ADCY4: variants seen among roughly 807,000 people sequenced by gnomAD.
The protein encoded by ADCY4 is adenylate cyclase type 4.
In ADCY4, 111 loss-of-function variants were observed where a neutral mutation model predicts 125.5. The observed-to-expected ratio is 0.88, with a 90% CI of 0.76 to 1.04. ADCY4 has a LOEUF of 1.04. ADCY4 is among the 50% of genes least tolerant of loss of function. The pLI is 0.00. For missense variants in ADCY4, 1,256 were observed against 1,382.9 expected (o/e 0.91, Z 1.46); for synonymous variants, 576 against 586.9 (o/e 0.98, Z 0.27).
At chr14:24,330,652 G>A (rs1414234295) in intron 6 of ADCY4, 1 of 342,394 alleles carries the variant, frequency 2.9e-6, no homozygotes, top group Non-Finnish European at 5.4e-6. Context: ...CAGGTTGCTG[G>A]GCTGAGGTTG....
At position 24,321,812 on chromosome 14, in the gene ADCY4, G is replaced by A. The variant is rs186407194; in HGVS notation, c.2586+254C>T. 2.8e-4 allele frequency: 330 copies of A among 1,199,450 alleles called. No homozygotes were observed. In the African/African-American group the frequency reaches 4.4e-3, roughly 16 times the overall value. 74.3% of individuals were successfully genotyped at this position (1,199,450 alleles called of 1,614,324 possible). On this transcript the variant is annotated intron_variant, in intron 20 of 24. Coordinates refer to ENST00000418030, the MANE Select transcript of ADCY4 (RefSeq NM_001198568.2). ...CCTGCTCCAGACAGCTCCCATCAAC[G>A]CCTAGGCTTCTGGAATGTATGGAAT...
In ADCY4 at chr14:24,318,711, G is replaced by A. The variant is rs1429384956; in HGVS notation, c.3024C>T (p.Gly1008=). The change falls in exon 24 of 25, where the codon GGC becomes GGT. Residue 1008 remains glycine, a synonymous_variant. Coordinates refer to ENST00000418030, the MANE Select transcript of ADCY4 (RefSeq NM_001198568.2). The part of the protein sequence containing the change: ...GAQKPQYDIW[G]NTVNVASRME... ...TGCGGCTGGCCACGTTCACTGTGTT[G>A]CCCCAAATGTCATATTGCGGCTTCT... The A allele has an allele frequency of 6.2e-7, 1 of 1,614,168 alleles. No individual in the cohort carries two copies. Among genetic ancestry groups the A allele is most frequent in the Admixed American group, 1.7e-5 (1 of 60,028 alleles).
intron 1 of ADCY4, among the ~76,000 whole-genome samples, chr14:24,333,749 G>C (rs1485496515): frequency 6.6e-6 from 1 of 152,198 alleles, no homozygotes; most frequent in African/African-American, 2.4e-5. Flanking sequence ...CGGGGACCGC[G>C]GCCGGCAGCT....
In ADCY4 at chr14:24,324,828, C is replaced by T. The variant is rs1022460210; in HGVS notation, c.1824-437G>A. 4.6e-5 allele frequency among the ~76,000 whole-genome samples: 7 copies of T among 152,022 alleles called. No homozygotes were observed. In the East Asian group the frequency reaches 9.6e-4, roughly 21 times the overall value. ...GAGCGATTCTCCTGCCTCAGCCTCCCGAGTAGCTGGGATTACAGGCGCCTG... is the reference window on the plus strand; with the variant it reads ...GAGCGATTCTCCTGCCTCAGCCTCCTGAGTAGCTGGGATTACAGGCGCCTG... On this transcript the variant is annotated intron_variant, in intron 14 of 24. Coordinates refer to ENST00000418030, the MANE Select transcript of ADCY4 (RefSeq NM_001198568.2).
chr14:24,331,919 G>A lies in ADCY4; in HGVS notation c.538C>T (p.Leu180=). 1 of 1,569,196 alleles carries A rather than the reference G, an allele frequency of 6.4e-7. No homozygotes were observed. The highest frequency in any genetic ancestry group is 1.1e-5 in the South Asian group (1 of 88,342). Reference sequence around the variant, plus strand: ...CCTGCCACGTTCCCGCACAGGAACAGCACTGCGTTTGCTGCCAACTGTGGG... The same window carrying A: ...CCTGCCACGTTCCCGCACAGGAACAACACTGCGTTTGCTGCCAACTGTGGG... ...LLPQLAANAV[L]FLCGNVAGVY... is the part of the protein sequence containing the mutation. The change falls in exon 4 of 25, where the codon CTG becomes TTG. Residue 180 remains leucine, a synonymous_variant. Coordinates refer to ENST00000418030, the MANE Select transcript of ADCY4 (RefSeq NM_001198568.2).
At chr14:24,331,646 G>C (rs1218887826) in intron 4 of ADCY4, 142 bp downstream of exon 4, 1 of 1,247,360 alleles carries the variant, frequency 8.0e-7, no homozygotes, top group South Asian at 1.6e-5. Flanking sequence ...TTCTAAGATG[G>C]GCAATACCCA....
chr14:24,330,602 T>G, intron 6 of ADCY4: 1 of 357,318 alleles, frequency 2.8e-6, no homozygotes. Flanking sequence ...TTGGGGGGAA[T>G]CCAAGAATTG....
chr14:24,331,467 G>A, intron 4 of ADCY4, 111 bp from the exon 5 acceptor site: 1 of 1,443,620 alleles, frequency 6.9e-7, no homozygotes, highest in East Asian at 2.4e-5. Context: ...TCCCCAGGGT[G>A]CTCCCCCAGG....
In ADCY4 at chr14:24,328,224, A is replaced by G. The variant is rs891533205; in HGVS notation, c.1524+837T>C. Among the ~76,000 whole-genome samples, 6 of 51,100 alleles carry G rather than the reference A, an allele frequency of 1.2e-4. No homozygotes were observed. The East Asian group carries it at 3.5e-3, about 30-fold the overall frequency. 33.5% of individuals were successfully genotyped at this position (51,100 alleles called of 152,430 possible). ...CACCAGCTACTTAGCAGACCGGGAAAGCGGGGTGGGGGGGGGGGTCTCCCT... is the reference window on the plus strand; with the variant it reads ...CACCAGCTACTTAGCAGACCGGGAAGGCGGGGTGGGGGGGGGGGTCTCCCT... On this transcript the variant is annotated intron_variant, in intron 10 of 24. Coordinates refer to ENST00000418030, the MANE Select transcript of ADCY4 (RefSeq NM_001198568.2).
intron 1 of ADCY4, among the ~76,000 whole-genome samples, chr14:24,333,450 G>A (rs537031380): frequency 5.3e-4 from 81 of 151,594 alleles, no homozygotes; most frequent in African/African-American, 1.8e-3. Flanking sequence ...GGCTGGTCTC[G>A]AGCTCCTGGG....
chr14:24,326,961 A>G (rs2041958099), intron 10 of ADCY4, among the ~76,000 whole-genome samples: 1 of 134,086 alleles, frequency 7.5e-6, no homozygotes, highest in Admixed American at 8.1e-5. Flanking sequence ...CATTGGTGCA[A>G]TCTCAGCTCA....
intron 9 of ADCY4, 60 bp from the exon 10 acceptor site, chr14:24,329,294 C>G: frequency 1.3e-6 from 2 of 1,591,214 alleles, no homozygotes; most frequent in Non-Finnish European, 1.7e-6. Flanking sequence ...TCCCTCCACC[C>G]CCCACTAGGA....
chr14:24,319,998 A>T lies in ADCY4; in HGVS notation c.2587-110T>A. 1 of 1,362,148 alleles carries T rather than the reference A, an allele frequency of 7.3e-7. No individual in the cohort carries two copies. Among genetic ancestry groups the T allele is most frequent in the Non-Finnish European group, 9.9e-7 (1 of 1,009,352 alleles). The allele number at this position is 1,362,148 out of a possible 1,614,324, so 84.4% of individuals were successfully genotyped here. A position where few individuals can be genotyped will look rare whatever the true frequency, so the allele number is the denominator to read the frequency against. ...TCCACACTCCTGGTCTCCCTGTTTA[A>T]GAAGAATTGGGAAGGAGGGAGAGGA... On this transcript the variant is annotated intron_variant, in intron 20 of 24. Transcript: ENST00000418030. The surrounding 1 kb of genome is among the most constrained non-coding windows in gnomAD (Gnocchi z 4.5).
Position 24,331,881 on chromosome 14 carries a change from C to T in ADCY4, c.576G>A (p.Lys192=). 1 of 1,599,040 alleles carries T rather than the reference C, an allele frequency of 6.3e-7. No individual in the cohort carries two copies. ...CCCGCAGGGCGCGCTCCATCAGCGC[C>T]TTGTGGTACACTCCTGCCACGTTCC... The part of the protein sequence containing the change: ...LCGNVAGVYH[K]ALMERALRAT... Residue 192 remains lysine (K), a synonymous_variant, in exon 4 of 25, where the codon AAG becomes AAA. Transcript: ENST00000418030.
intron 20 of ADCY4, chr14:24,321,742 C>T: frequency 2.0e-6 from 2 of 1,010,840 alleles, no homozygotes; most frequent in Non-Finnish European, 2.4e-6. Context: ...CAGTTCCCAA[C>T]AGGTCATGGA....
In ADCY4 at chr14:24,329,246, A is replaced by AG; in HGVS notation, c.1351-13_1351-12insC. ...TCCTCCTCCTCTGCCTGGGGCACAT[A>AG]AGGGCTGACAGTAAAGACCACAGAC... On this transcript the variant is annotated splice_polypyrimidine_tract_variant and intron_variant, in intron 9 of 24. Transcript: ENST00000418030. 6.2e-7 allele frequency: 1 copy of AG among 1,612,772 alleles called. No homozygotes were observed. Among genetic ancestry groups the AG allele is most frequent in the Non-Finnish European group, 8.5e-7 (1 of 1,179,228 alleles).
chr14:24,328,231 TGG>T lies in ADCY4; in HGVS notation c.1524+828_1524+829del, dbSNP rs547461601. ...TACTTAGCAGACCGGGAAAGCGGGG[TGG>T]GGGGGGGGGTCTCCCTTTCCCTGGG... On this transcript the variant is annotated intron_variant, in intron 10 of 24. Transcript: ENST00000418030. 1.8e-3 allele frequency among the ~76,000 whole-genome samples: 119 copies of T among 67,280 alleles called. 3 individuals are homozygous for T. The highest frequency in any genetic ancestry group is 4.3e-3 in the African/African-American group (94 of 21,998). The allele number at this position is 67,280 out of a possible 152,430, so 44.1% of individuals were successfully genotyped here.
At chr14:24,321,257 A>AC (rs56133120) in intron 20 of ADCY4, among the ~76,000 whole-genome samples, 21 of 150,730 alleles carry the variant, frequency 1.4e-4, no homozygotes, top group Non-Finnish European at 2.8e-4. Flanking sequence ...CTAAAAAAAA[A>AC]AAATATAAAA....
chr14:24,318,449 T>A lies in ADCY4; in HGVS notation c.3201A>T (p.Thr1067=), dbSNP rs889962427. The A allele has an allele frequency of 2.5e-5, 41 of 1,614,152 alleles. No individual in the cohort carries two copies. The highest frequency in any genetic ancestry group is 2.8e-5 in the Non-Finnish European group (33 of 1,179,988). Residue 1067 remains threonine, a synonymous_variant, in exon 25 of 25, where the codon ACA becomes ACT. Coordinates refer to ENST00000418030, the MANE Select transcript of ADCY4 (RefSeq NM_001198568.2). ...GGGTAGCTGAAGGAGGTCCAGTTCG[T>A]GTCAAGTCTGTGTTCAGGAAGTAGG... ...LCTYFLNTDL[T]RTGPPSATLG
Sources: gnomAD v4.1 joint callset for allele counts (sites outside exome capture counted in the v4.1 genomes callset) on GRCh38, gnomAD v4.1.1 for gene constraint, Gnocchi (gnomAD v3.1) non-coding constraint, MANE v1.5 for transcripts, NCBI Gene and HGNC (gene_info 2026-07-23, HGNC 2026-07-21) for gene names.